The following SUMF1 variants were observed in gnomAD, a reference collection of about 807,000 sequenced individuals.
The protein encoded by SUMF1 is formylglycine-generating enzyme.
Under a neutral mutation model 47.6 loss-of-function variants are expected in SUMF1, and 48 were observed. That is an observed-to-expected ratio of 1.01 (90% confidence interval 0.80 to 1.28). SUMF1 has a LOEUF of 1.28. Among genes scored for constraint, SUMF1 ranks in the 50% most tolerant of loss-of-function variants. The pLI, the probability that SUMF1 is intolerant of heterozygous loss-of-function variation, is 0.00. For synonymous variants in SUMF1, 230 were observed against 192.1 expected (o/e 1.20, Z -1.63); for missense variants, 571 against 485.4 (o/e 1.18, Z -1.66).
intron 8 of SUMF1, among the ~76,000 whole-genome samples, chr3:4,367,637 G>C (rs1188005473): frequency 6.6e-6 from 1 of 152,088 alleles, no homozygotes; most frequent in Non-Finnish European, 1.5e-5. Context: ...CCAAAACAGA[G>C]ATATAGATCA....
intron 8 of SUMF1, among the ~76,000 whole-genome samples, chr3:4,184,573 A>C (rs1282948773): frequency 6.6e-6 from 1 of 151,982 alleles, no homozygotes; most frequent in Non-Finnish European, 1.5e-5. Context: ...ATGTTTTATG[A>C]CCTCAGATTC....
Position 4,223,378 on chromosome 3 carries a change from T to A in SUMF1, c.1014+152952A>T, listed in dbSNP as rs180803248. ...TTTCCTCAGCAGTGGAGGATGGAGA[T>A]AATGGTATTACATAGCTCACAGAGT... On this transcript the variant is annotated intron_variant and NMD_transcript_variant, in intron 8 of 12. Transcript: ENST00000448413. Among the ~76,000 whole-genome samples the A allele has an allele frequency of 2.6e-5, 4 of 152,276 alleles. 1 individual carries two copies. The East Asian group carries it at 5.8e-4, about 22-fold the overall frequency.
intron 7 of SUMF1, among the ~76,000 whole-genome samples, chr3:4,396,281 G>A (rs1054876485): frequency 2.0e-5 from 3 of 152,142 alleles, no homozygotes; most frequent in Non-Finnish European, 4.4e-5. Flanking sequence ...AACATTTTTC[G>A]AATAAATCAT....
chr3:4,054,459 A>AT (rs1328857764), intron 9 of SUMF1, among the ~76,000 whole-genome samples: 1 of 152,180 alleles, frequency 6.6e-6, no homozygotes, highest in Non-Finnish European at 1.5e-5. Flanking sequence ...TCTTTCTTTT[A>AT]TTGGCTCTCT....
rs113386858 is a variant in SUMF1, at chr3:4,164,849, A to T, written c.1015-96104T>A. 2.2e-4 allele frequency among the ~76,000 whole-genome samples: 33 copies of T among 152,246 alleles called. 2 individuals carry two copies. The highest frequency in any genetic ancestry group is 7.7e-4 in the African/African-American group (32 of 41,530). On this transcript the variant is annotated intron_variant and NMD_transcript_variant, in intron 8 of 12. Transcript: ENST00000448413. ...TTTAGGATAAATTGACCCTTGAGTG[A>T]GTCAGGTGACAGGGGAGTATATTTT...
chr3:4,452,259 G>C (rs886624954), intron 2 of SUMF1, among the ~76,000 whole-genome samples: 1 of 152,104 alleles, frequency 6.6e-6, no homozygotes, highest in African/African-American at 2.4e-5. Flanking sequence ...AGACTAGAAA[G>C]CTTTCCTCTT....
chr3:4,080,339 A>C (rs1417615973), intron 8 of SUMF1, among the ~76,000 whole-genome samples: 1 of 152,152 alleles, frequency 6.6e-6, no homozygotes, highest in Non-Finnish European at 1.5e-5. Flanking sequence ...TGGTCATATC[A>C]GCGGCATTCC....
At chr3:4,181,109 A>T (rs2125133720) in intron 8 of SUMF1, among the ~76,000 whole-genome samples, 1 of 152,326 alleles carries the variant, frequency 6.6e-6, no homozygotes, top group South Asian at 2.1e-4. Context: ...AGGATAGTGG[A>T]AGAAAAGACT....
intron 7 of SUMF1, among the ~76,000 whole-genome samples, chr3:4,403,360 T>C (rs890687457): frequency 2.0e-5 from 3 of 152,082 alleles, no homozygotes; most frequent in African/African-American, 7.2e-5. Flanking sequence ...AGCTCCACTA[T>C]TATTTGCATC....
At chr3:4,258,914 C>A (rs1419182429) in intron 8 of SUMF1, among the ~76,000 whole-genome samples, 1 of 139,586 alleles carries the variant, frequency 7.2e-6, no homozygotes, top group African/African-American at 2.7e-5. Flanking sequence ...ACATATACAC[C>A]ATGGAATACT....
chr3:4,110,606 G>A (rs60881512), intron 8 of SUMF1, among the ~76,000 whole-genome samples: 22,678 of 151,796 alleles, frequency 0.15, 3,640 homozygotes, highest in African/African-American at 0.39. Context: ...ATGTCCAACA[G>A]TGATAGACTG....
At chr3:4,421,546 C>T (rs950949000) in intron 3 of SUMF1, among the ~76,000 whole-genome samples, 1 of 152,144 alleles carries the variant, frequency 6.6e-6, no homozygotes, top group Non-Finnish European at 1.5e-5. Context: ...GTGGCACGGT[C>T]ATGGCTCACT....
At chr3:4,337,737 T>C (rs1699184788) in intron 8 of SUMF1, among the ~76,000 whole-genome samples, 1 of 152,252 alleles carries the variant, frequency 6.6e-6, no homozygotes, top group Non-Finnish European at 1.5e-5. Flanking sequence ...GCATTGAACA[T>C]AATTGCATCT....
At chr3:4,461,219 A>C (rs1323895126) in intron 1 of SUMF1, among the ~76,000 whole-genome samples, 1 of 152,214 alleles carries the variant, frequency 6.6e-6, no homozygotes, top group African/African-American at 2.4e-5. Context: ...CCTGTCTAAC[A>C]GATGTAGGTC....
intron 9 of SUMF1, among the ~76,000 whole-genome samples, chr3:4,046,020 C>T (rs1559424185): frequency 6.6e-6 from 1 of 151,950 alleles, no homozygotes; most frequent in Non-Finnish European, 1.5e-5. Context: ...CACTACTGTC[C>T]AACCTGGGGG....
At chr3:4,253,882 A>G (rs1559617633) in intron 8 of SUMF1, among the ~76,000 whole-genome samples, 2 of 149,986 alleles carry the variant, frequency 1.3e-5, no homozygotes, top group African/African-American at 5.0e-5. Context: ...CTTTGAAGAG[A>G]GCAGTGGTTC....
intron 1 of SUMF1, among the ~76,000 whole-genome samples, chr3:4,465,135 G>A (rs531131153): frequency 1.3e-5 from 2 of 152,298 alleles, no homozygotes; most frequent in South Asian, 4.1e-4. Flanking sequence ...TGAGATGGCT[G>A]CCCTATTAAA....
intron 8 of SUMF1, chr3:4,313,292 T>G: frequency 6.2e-7 from 1 of 1,613,918 alleles, no homozygotes; most frequent in Non-Finnish European, 8.5e-7. Flanking sequence ...AGAATTCACT[T>G]ACAAACAAAA....
chr3:4,369,887 A>G lies in SUMF1; in HGVS notation c.1014+6443T>C, dbSNP rs962433524. On this transcript the variant is annotated intron_variant, in intron 8 of 8. Transcript: ENST00000272902. Reference sequence around the variant, plus strand: ...AGGATAGCAAGGCCAGAGCCTGATCATATCAGGGCATGGTTTAATTATTCA... The same window carrying G: ...AGGATAGCAAGGCCAGAGCCTGATCGTATCAGGGCATGGTTTAATTATTCA... Among the ~76,000 whole-genome samples, 3 of 152,208 alleles carry G rather than the reference A, an allele frequency of 2.0e-5. No homozygotes were observed. In the East Asian group the frequency reaches 5.8e-4, roughly 29 times the overall value.
Sources: allele counts gnomAD v4.1 joint callset (sites outside exome capture counted in the v4.1 genomes callset), GRCh38; gene constraint gnomAD v4.1.1; transcripts MANE v1.5; gene names NCBI Gene and HGNC (gene_info 2026-07-23, HGNC 2026-07-21).